The following CHD2 variants were observed in gnomAD, a reference collection of about 807,000 sequenced individuals.
CHD2 encodes chromodomain helicase DNA binding protein 2, also known as ATP-dependent chromatin remodeler CHD2.
In CHD2, 28 loss-of-function variants were observed where a neutral mutation model predicts 243.9. That is an observed-to-expected ratio of 0.11 (90% CI 0.09 to 0.16). CHD2 has a LOEUF of 0.16. CHD2 is among the 10% of genes least tolerant of loss of function. CHD2 has a pLI of 1.00. For synonymous variants in CHD2, 775 were observed against 779.0 expected (o/e 0.99, Z 0.09); for missense variants, 1,386 against 2,209.8 (o/e 0.63, Z 7.47).
At chr15:92,966,515 T>C (rs1259384630) in intron 16 of CHD2, among the ~76,000 whole-genome samples, 2 of 152,218 alleles carry the variant, frequency 1.3e-5, no homozygotes, top group East Asian at 1.9e-4. Context: ...ATGACGACTT[T>C]AGATGTCTAC....
At chr15:92,978,081 G>A in intron 20 of CHD2, 153 bp from the exon 21 acceptor site, 1 of 820,704 alleles carries the variant, frequency 1.2e-6, no homozygotes, top group African/African-American at 1.7e-5. Context: ...CTACCATCAA[G>A]TCCCTGACAT....
intron 26 of CHD2, among the ~76,000 whole-genome samples, chr15:92,987,817 A>G (rs1175289222): frequency 6.6e-6 from 1 of 151,528 alleles, no homozygotes; most frequent in Non-Finnish European, 1.5e-5. Flanking sequence ...TTTGTGTTAA[A>G]TATATAATAT....
chr15:92,916,783 ACCT>A (rs943902988), intron 2 of CHD2, among the ~76,000 whole-genome samples: 2 of 151,990 alleles, frequency 1.3e-5, no homozygotes, highest in African/African-American at 4.8e-5. Flanking sequence ...CAGTCTCCTG[ACCT>A]CCTAATCTGA....
intron 33 of CHD2, 79 bp from the exon 34 acceptor site, chr15:93,004,538 C>A: frequency 7.5e-7 from 1 of 1,338,162 alleles, no homozygotes; most frequent in Non-Finnish European, 1.0e-6. Flanking sequence ...ATTTTAATAA[C>A]ACAACATAGG....
chr15:92,923,362 A>G (rs1319428877), intron 2 of CHD2, among the ~76,000 whole-genome samples: 2 of 151,486 alleles, frequency 1.3e-5, no homozygotes, highest in East Asian at 3.9e-4. Flanking sequence ...CTAGGCTCAA[A>G]TGATCCTCCC....
At chr15:92,948,629 C>G (rs564676854) in intron 12 of CHD2, among the ~76,000 whole-genome samples, 241 of 152,144 alleles carry the variant, frequency 1.6e-3, no homozygotes, top group African/African-American at 4.8e-3. Context: ...GTCAGGAGAT[C>G]GAGACCATCC....
intron 16 of CHD2, among the ~76,000 whole-genome samples, chr15:92,966,768 G>A (rs1447824891): frequency 6.6e-6 from 1 of 152,078 alleles, no homozygotes; most frequent in Admixed American, 6.5e-5. Flanking sequence ...AAAATTAGTT[G>A]GGTGTGGTGG....
chr15:92,998,479 C>T lies in CHD2; in HGVS notation c.3886-20C>T, dbSNP rs190197047. ...AGGATGTGGGTGGTGGCGGGTGCTTCTCTTCCTTTCTTGTTGAAGATTCTG... is the reference window on the plus strand; with the variant it reads ...AGGATGTGGGTGGTGGCGGGTGCTTTTCTTCCTTTCTTGTTGAAGATTCTG... On this transcript the variant is annotated intron_variant, in intron 30 of 38. Coordinates refer to ENST00000394196, the MANE Select transcript of CHD2 (RefSeq NM_001271.4). The surrounding 1 kb of genome is among the most constrained non-coding windows in gnomAD (Gnocchi z 5.1). The T allele has an allele frequency of 6.2e-7, 1 of 1,613,488 alleles. No homozygotes were observed. Among genetic ancestry groups the T allele is most frequent in the East Asian group, 2.2e-5 (1 of 44,860 alleles).
chr15:92,912,000 A>G (rs887638480), intron 2 of CHD2, among the ~76,000 whole-genome samples: 2 of 152,204 alleles, frequency 1.3e-5, no homozygotes, highest in African/African-American at 4.8e-5. Context: ...TCATGGGGAT[A>G]GTATAAGAAA....
At chr15:92,905,124 C>G in intron 2 of CHD2, 1 of 840,210 alleles carries the variant, frequency 1.2e-6, no homozygotes, top group Non-Finnish European at 1.8e-6. Flanking sequence ...GTTAGGCAAC[C>G]ATTACTATGT....
chr15:93,012,137 G>C (rs1336910485), intron 35 of CHD2, among the ~76,000 whole-genome samples: 1 of 152,078 alleles, frequency 6.6e-6, no homozygotes. Flanking sequence ...TTCCCTTAAA[G>C]TTGCAATTTC....
chr15:92,974,740 C>G lies in CHD2; in HGVS notation c.2506-139C>G, dbSNP rs1298823814. On this transcript the variant is annotated intron_variant, in intron 19 of 38. Transcript: ENST00000394196. ...AGGGTGTGCTTCTTAAGCACAGCTT[C>G]TTCATAGCGCTTTGCCAGTGCTTTG... is the stretch of plus-strand genomic sequence containing the variant. The G allele has an allele frequency of 2.8e-5, 19 of 679,174 alleles. No homozygotes were observed. The East Asian group carries it at 5.2e-4, about 18-fold the overall frequency. The allele number at this position is 679,174 out of a possible 1,614,324, so 42.1% of individuals were successfully genotyped here. A position where few individuals can be genotyped will look rare whatever the true frequency, so the allele number is the denominator to read the frequency against.
chr15:93,021,973 G>C (rs1027074910), intron 38 of CHD2: 1 of 152,142 alleles, frequency 6.6e-6, no homozygotes, highest in Admixed American at 6.5e-5. Context: ...CAGGTTATTT[G>C]GAAGCAGTTT....
At chr15:92,950,841 C>T (rs76725400) in intron 13 of CHD2, among the ~76,000 whole-genome samples, 4,236 of 151,952 alleles carry the variant, frequency 0.028, 92 homozygotes, top group South Asian at 0.092. Context: ...TTTACAGTGA[C>T]TTTTTCCCAA....
At chr15:92,969,662 C>T (rs2053814247) in intron 17 of CHD2, among the ~76,000 whole-genome samples, 2 of 152,164 alleles carry the variant, frequency 1.3e-5, no homozygotes, top group Admixed American at 1.3e-4. Context: ...ACATGATGAA[C>T]AGTACCACAG....
chr15:93,004,643 G>A lies in CHD2; in HGVS notation c.4305G>A (p.Ser1435=), dbSNP rs773319032. 5.6e-6 allele frequency: 9 copies of A among 1,612,096 alleles called. No individual in the cohort carries two copies. Among genetic ancestry groups the A allele is most frequent in the South Asian group, 4.4e-5 (4 of 90,754 alleles). Residue 1435 remains serine, a synonymous_variant, in exon 34 of 39, where the codon TCG becomes TCA. Transcript: ENST00000394196. ...EKPKSGDAKS[S]SKSKRSQGPV... is the part of the protein sequence containing the mutation. Reference sequence around the variant, plus strand: ...CTAAAAGTGGTGATGCCAAATCTTCGAGTAAATCAAAGCGATCTCAGGGTC... The same window carrying A: ...CTAAAAGTGGTGATGCCAAATCTTCAAGTAAATCAAAGCGATCTCAGGGTC...
chr15:92,904,592 C>G, intron 2 of CHD2: 1 of 1,076,240 alleles, frequency 9.3e-7, no homozygotes. Context: ...TGTAGCGGTC[C>G]GCACCCTGTA....
intron 3 of CHD2, 38 bp downstream of exon 3, chr15:92,924,590 C>A: frequency 6.4e-7 from 1 of 1,557,498 alleles, no homozygotes; most frequent in Non-Finnish European, 8.9e-7. Flanking sequence ...GTGCTGCTAG[C>A]CTAGGACAAG....
chr15:93,019,810 T>G (rs1367743640), intron 37 of CHD2, among the ~76,000 whole-genome samples: 2 of 152,046 alleles, frequency 1.3e-5, no homozygotes, highest in Non-Finnish European at 2.9e-5. Flanking sequence ...GGCGGGTGCC[T>G]GTAGTCCCAT....
Sources: gnomAD v4.1 joint callset for allele counts (sites outside exome capture counted in the v4.1 genomes callset) on GRCh38, gnomAD v4.1.1 for gene constraint, Gnocchi (gnomAD v3.1) non-coding constraint, MANE v1.5 for transcripts, NCBI Gene and HGNC (gene_info 2026-07-23, HGNC 2026-07-21) for gene names.